The following DPP10 variants were observed in gnomAD, a reference collection of about 807,000 sequenced individuals.
The protein encoded by DPP10 is inactive dipeptidyl peptidase 10.
DPP10 carries 33 observed loss-of-function variants against 120.9 expected under a neutral mutation model. The ratio of observed to expected loss-of-function variants is 0.27; its 90% CI spans 0.21 to 0.37. The LOEUF is 0.37. Among genes scored for constraint, DPP10 ranks in the 10% least tolerant of loss-of-function variants. The pLI, the probability that DPP10 is intolerant of heterozygous loss-of-function variation, is 1.00. For synonymous variants in DPP10, 337 were observed against 326.1 expected (o/e 1.03, Z -0.36); for missense variants, 816 against 942.8 (o/e 0.87, Z 1.76).
chr2:115,638,628 C>A (rs2086541599), intron 5 of DPP10, among the ~76,000 whole-genome samples: 1 of 152,156 alleles, frequency 6.6e-6, no homozygotes, highest in Non-Finnish European at 1.5e-5. Context: ...ACTGAAATAT[C>A]CTGGTAGGCC....
intron 1 of DPP10, among the ~76,000 whole-genome samples, chr2:115,235,348 T>G (rs897808641): frequency 6.6e-6 from 1 of 152,202 alleles, no homozygotes; most frequent in African/African-American, 2.4e-5. Flanking sequence ...ATTTTCCATC[T>G]GAGTTACTGA....
chr2:115,529,326 C>T (rs981010668), intron 5 of DPP10, among the ~76,000 whole-genome samples: 2 of 151,972 alleles, frequency 1.3e-5, no homozygotes, highest in Non-Finnish European at 2.9e-5. Context: ...TGCACCACCA[C>T]GCCCAGCTAG....
chr2:115,798,492 A>G (rs1684796030), intron 19 of DPP10, among the ~76,000 whole-genome samples: 1 of 152,070 alleles, frequency 6.6e-6, no homozygotes, highest in Non-Finnish European at 1.5e-5. Context: ...CTTTTGACTT[A>G]TATATAAAAA....
intron 5 of DPP10, among the ~76,000 whole-genome samples, chr2:115,560,145 T>C (rs756348113): frequency 6.5e-4 from 98 of 150,418 alleles, no homozygotes; most frequent in Middle Eastern, 3.5e-3. Flanking sequence ...CTGAGGCGGG[T>C]GGATCACGAG....
At chr2:114,835,605 C>A (rs1366754148) in intron 1 of DPP10, 1 of 152,128 alleles carries the variant, frequency 6.6e-6, no homozygotes, top group African/African-American at 2.4e-5. Flanking sequence ...TTCCATAAAT[C>A]CATTTAATCC....
At chr2:115,246,027 C>T (rs891772749) in intron 1 of DPP10, among the ~76,000 whole-genome samples, 2 of 151,780 alleles carry the variant, frequency 1.3e-5, no homozygotes, top group South Asian at 2.1e-4. Context: ...CAGAAATATC[C>T]GGATACTGAA....
At chr2:114,563,949 A>C (rs1688973696) in intron 1 of DPP10, among the ~76,000 whole-genome samples, 1 of 152,064 alleles carries the variant, frequency 6.6e-6, no homozygotes, top group Non-Finnish European at 1.5e-5. Context: ...TCATTTTGCT[A>C]ATTTCTGGGA....
At chr2:115,326,364 C>A (rs1175010277) in intron 2 of DPP10, among the ~76,000 whole-genome samples, 3 of 151,862 alleles carry the variant, frequency 2.0e-5, no homozygotes, top group Non-Finnish European at 4.4e-5. Context: ...TACTGTGTTG[C>A]CTGTCCTGTA....
intron 3 of DPP10, among the ~76,000 whole-genome samples, chr2:115,492,325 G>T (rs898317938): frequency 1.3e-5 from 2 of 152,142 alleles, no homozygotes; most frequent in African/African-American, 4.8e-5. Flanking sequence ...TATGGAAAGA[G>T]AAAAGCAAAG....
rs1439282425 is a variant in DPP10, at chr2:115,325,673, TAAAAC to T, written c.175+16323_175+16327del. On this transcript the variant is annotated intron_variant, in intron 2 of 25. Coordinates refer to ENST00000410059, the MANE Select transcript of DPP10 (RefSeq NM_020868.6). ...ATTAATTTATTTAAGATGACAATAATAAAACAATTACATATAAATATAAATAACAA... is the reference window on the plus strand; with the variant it reads ...ATTAATTTATTTAAGATGACAATAATAATTACATATAAATATAAATAACAA... Among the ~76,000 whole-genome samples the T allele has an allele frequency of 1.4e-4, 22 of 152,208 alleles. 1 individual carries two copies. Among genetic ancestry groups the T allele is most frequent in the Middle Eastern group, 3.4e-3 (1 of 294 alleles).
intron 3 of DPP10, among the ~76,000 whole-genome samples, chr2:115,370,864 T>A (rs1486286843): frequency 6.6e-6 from 1 of 152,074 alleles, no homozygotes; most frequent in Admixed American, 6.6e-5. Flanking sequence ...CAGGTGATGC[T>A]GCTAGTCCCA....
At chr2:114,937,890 T>C (rs1472783238) in intron 1 of DPP10, among the ~76,000 whole-genome samples, 1 of 152,194 alleles carries the variant, frequency 6.6e-6, no homozygotes, top group Non-Finnish European at 1.5e-5. Context: ...ATGAGCAAGA[T>C]TGCTGAACAG....
Position 115,392,218 on chromosome 2 carries a change from C to T in DPP10, c.271+48306C>T, listed in dbSNP as rs75431478. Among the ~76,000 whole-genome samples, 778 of 152,100 alleles carry T rather than the reference C, an allele frequency of 5.1e-3. 9 individuals carry two copies. The highest frequency in any genetic ancestry group is 0.017 in the African/African-American group (690 of 41,500). On this transcript the variant is annotated intron_variant, in intron 3 of 25. Transcript: ENST00000410059. ...TTTGATTATTTTGTTTTCTTCCCCC[C>T]GCAAAGCCTGAAATTAACTGGCACA...
chr2:115,009,340 A>G (rs1462266328), intron 1 of DPP10, among the ~76,000 whole-genome samples: 1 of 151,530 alleles, frequency 6.6e-6, no homozygotes, highest in Admixed American at 6.6e-5. Flanking sequence ...CAAAAAACCA[A>G]ACACCACATA....
chr2:115,768,119 G>C (rs903439220), intron 12 of DPP10, among the ~76,000 whole-genome samples, 178 bp from the exon 13 acceptor site: 2 of 152,050 alleles, frequency 1.3e-5, no homozygotes, highest in Non-Finnish European at 2.9e-5. Flanking sequence ...TAATGTATCA[G>C]ATTTACTTTA....
intron 1 of DPP10, among the ~76,000 whole-genome samples, chr2:115,249,690 A>T (rs940987631): frequency 6.6e-6 from 1 of 152,150 alleles, no homozygotes. Context: ...AACAACTTCT[A>T]CGTAAGAAGA....
At chr2:115,780,493 A>G (rs774512570) in intron 15 of DPP10, among the ~76,000 whole-genome samples, 2 of 151,828 alleles carry the variant, frequency 1.3e-5, no homozygotes, top group Admixed American at 6.6e-5. Flanking sequence ...ATTAGTATGT[A>G]TTAAACATTG....
chr2:115,071,117 T>A (rs1055963367), intron 1 of DPP10, among the ~76,000 whole-genome samples: 1 of 152,220 alleles, frequency 6.6e-6, no homozygotes, highest in Non-Finnish European at 1.5e-5. Context: ...TAAACACTTA[T>A]CTTAGGAATT....
intron 5 of DPP10, among the ~76,000 whole-genome samples, chr2:115,650,638 A>G (rs967156545): frequency 1.3e-5 from 2 of 152,012 alleles, no homozygotes; most frequent in African/African-American, 2.4e-5. Flanking sequence ...TCTTAGGATG[A>G]CACACAGGTC....
Sources: allele counts gnomAD v4.1 joint callset (sites outside exome capture counted in the v4.1 genomes callset), GRCh38; gene constraint gnomAD v4.1.1; transcripts MANE v1.5; gene names NCBI Gene and HGNC (gene_info 2026-07-23, HGNC 2026-07-21).